The following PIAS4 variants were observed in gnomAD, a reference collection of about 807,000 sequenced individuals.
The protein encoded by PIAS4 is E3 SUMO-protein ligase PIAS4.
In PIAS4, 7 loss-of-function variants were observed where a neutral mutation model predicts 58.0. The observed-to-expected ratio is 0.12, with a 90% CI of 0.07 to 0.23. PIAS4 has a LOEUF of 0.23. PIAS4 is among the 10% of genes least tolerant of loss of function. The pLI is 1.00. For missense variants in PIAS4, 550 were observed against 709.5 expected (o/e 0.78, Z 2.55); for synonymous variants, 364 against 312.4 (o/e 1.17, Z -1.74).
At chr19:4,012,886 G>C in intron 1 of PIAS4, 37 bp from the exon 2 acceptor site, 1 of 1,575,584 alleles carries the variant, frequency 6.3e-7, no homozygotes, top group Non-Finnish European at 8.6e-7. Context: ...CCTCGCAGCT[G>C]TGTCCTCTGA....
At chr19:4,027,924 G>A (rs1378455280) in intron 3 of PIAS4, among the ~76,000 whole-genome samples, 1 of 152,068 alleles carries the variant, frequency 6.6e-6, no homozygotes, top group African/African-American at 2.4e-5. Context: ...TCAGGGTTTT[G>A]CTGTGGATTC....
intron 2 of PIAS4, among the ~76,000 whole-genome samples, chr19:4,016,278 G>T (rs2144911884): frequency 6.6e-6 from 1 of 152,368 alleles, no homozygotes; most frequent in South Asian, 2.1e-4. Context: ...CGGGCACAGA[G>T]CTGCTCCTCC....
At chr19:4,029,766 C>T (rs1349313976) in intron 7 of PIAS4, among the ~76,000 whole-genome samples, 1 of 151,432 alleles carries the variant, frequency 6.6e-6, no homozygotes, top group East Asian at 1.9e-4. Context: ...GCCTCAGCCT[C>T]CTGAGTAGCT....
chr19:4,030,315 GCA>G (rs1234839956), intron 7 of PIAS4, among the ~76,000 whole-genome samples: 2,502 of 150,294 alleles, frequency 0.017, 4 homozygotes, highest in Middle Eastern at 0.031. Flanking sequence ...GACACGCAGA[GCA>G]ATTTTAAAAG....
chr19:4,007,782 G>A lies in PIAS4; in HGVS notation c.22G>A (p.Ala8Thr), dbSNP rs1329960249. 8.2e-7 allele frequency: 1 copy of A among 1,215,510 alleles called. No individual in the cohort carries two copies. The allele number at this position is 1,215,510 out of a possible 1,614,324, so 75.3% of individuals were successfully genotyped here. ...CAAGATGGCGGCGGAGCTGGTGGAGGCCAAAGTGAGTGAGCGGTGGCGGCG... is the reference window on the plus strand; with the variant it reads ...CAAGATGGCGGCGGAGCTGGTGGAGACCAAAGTGAGTGAGCGGTGGCGGCG... MAAELVE[A>T]KNMVMSFRVS... Residue 8 changes from alanine (A) to threonine (T), a missense_variant, in exon 1 of 11, where the codon GCC (alanine) becomes ACC (threonine). This residue lies in a region of PIAS4 where 42 missense variants were observed against 84.3 expected (regional missense o/e 0.50). Transcript: ENST00000262971.
intron 9 of PIAS4, among the ~76,000 whole-genome samples, chr19:4,036,037 G>A (rs147316646): frequency 2.2e-4 from 9 of 40,670 alleles, no homozygotes; most frequent in South Asian, 1.4e-3. Flanking sequence ...AGTCCACACC[G>A]TCATACACAC....
intron 1 of PIAS4, among the ~76,000 whole-genome samples, chr19:4,008,433 A>T (rs2039963561): frequency 6.6e-6 from 1 of 151,684 alleles, no homozygotes; most frequent in Non-Finnish European, 1.5e-5. Context: ...GCCCCTCTTC[A>T]GCTCCTGCAT....
At position 4,038,207 on chromosome 19, in the gene PIAS4, C is replaced by T; in HGVS notation, c.*332C>T. 1 of 282,104 alleles carries T rather than the reference C, an allele frequency of 3.5e-6. No individual in the cohort carries two copies. The highest frequency in any genetic ancestry group is 6.6e-6 in the Non-Finnish European group (1 of 150,714). The allele number at this position is 282,104 out of a possible 1,614,324, so 17.5% of individuals were successfully genotyped here. A position where few individuals can be genotyped will look rare whatever the true frequency, so the allele number is the denominator to read the frequency against. Reference sequence around the variant, plus strand: ...TGGGCGGGAGGGACCAGGACGCCGCCCCGCGCCCTCCCCTCCGGATGCCCC... The same window carrying T: ...TGGGCGGGAGGGACCAGGACGCCGCTCCGCGCCCTCCCCTCCGGATGCCCC... On this transcript the variant is annotated 3_prime_UTR_variant, in exon 11 of 11. Coordinates refer to ENST00000262971, the MANE Select transcript of PIAS4 (RefSeq NM_015897.4). The surrounding 1 kb of genome is among the most constrained non-coding windows in gnomAD (Gnocchi z 4.1).
chr19:4,011,634 G>T (rs899097711), intron 1 of PIAS4, among the ~76,000 whole-genome samples: 8 of 151,904 alleles, frequency 5.3e-5, no homozygotes, highest in Non-Finnish European at 1.0e-4. Flanking sequence ...ACGTGTGGAG[G>T]TGTGTTTGGT....
In PIAS4 at chr19:4,028,585, C is replaced by T; in HGVS notation, c.657C>T (p.Ser219=). Residue 219 remains serine (S), a synonymous_variant, in exon 5 of 11, where the codon AGC becomes AGT. Transcript: ENST00000262971. ...ACATCGCTGTGAAGGTCAACCACAG[C>T]TACTGCTCCGTCCCGGTGAGCATGC... ...PPNIAVKVNH[S]YCSVPGYYPS... 2 of 1,612,930 alleles carry T rather than the reference C, an allele frequency of 1.2e-6. No individual in the cohort carries two copies. Among genetic ancestry groups the T allele is most frequent in the Non-Finnish European group, 1.7e-6 (2 of 1,179,876 alleles).
intron 2 of PIAS4, among the ~76,000 whole-genome samples, chr19:4,020,611 T>G (rs114755295): frequency 3.9e-5 from 6 of 152,138 alleles, no homozygotes; most frequent in Non-Finnish European, 8.8e-5. Context: ...CTGCTCAGCG[T>G]TTTTGCTTTG....
rs758198912 is a variant in PIAS4 at position 4,037,221 on chromosome 19, C to T, written c.1143-153C>T. Among the ~76,000 whole-genome samples the T allele has an allele frequency of 1.5e-4, 22 of 143,878 alleles. No individual in the cohort carries two copies. Among genetic ancestry groups the T allele is most frequent in the South Asian group, 2.3e-4 (1 of 4,358 alleles). The allele number at this position is 143,878 out of a possible 152,430, so 94.4% of individuals were successfully genotyped here. ...GGGCCTGAGGGCGGGGGAGGGAATG[C>T]GGGGTCCCTGGACCCCTGCGGTCGG... is the stretch of plus-strand genomic sequence containing the variant. On this transcript the variant is annotated intron_variant, in intron 9 of 10. Transcript: ENST00000262971. The surrounding 1 kb of genome is among the most constrained non-coding windows in gnomAD (Gnocchi z 5.8).
At chr19:4,009,301 C>T (rs949598835) in intron 1 of PIAS4, among the ~76,000 whole-genome samples, 43 of 152,314 alleles carry the variant, frequency 2.8e-4, no homozygotes, top group East Asian at 1.9e-4. Flanking sequence ...CACCCCTGCG[C>T]ACACTTCTGC....
At chr19:4,020,372 C>T (rs12982708) in intron 2 of PIAS4, among the ~76,000 whole-genome samples, 23,369 of 152,046 alleles carry the variant, frequency 0.15, 2,205 homozygotes, top group Middle Eastern at 0.27. Context: ...ACATAGCCTG[C>T]GAAGCTGATG....
chr19:4,037,891 C>G lies in PIAS4; in HGVS notation c.*16C>G. 1 of 1,566,404 alleles carries G rather than the reference C, an allele frequency of 6.4e-7. No individual in the cohort carries two copies. Among genetic ancestry groups the G allele is most frequent in the South Asian group, 1.2e-5 (1 of 86,378 alleles). On this transcript the variant is annotated 3_prime_UTR_variant, in exon 11 of 11. Transcript: ENST00000262971. The surrounding 1 kb of genome is among the most constrained non-coding windows in gnomAD (Gnocchi z 5.8). ...GGCCTGCTGACCCCGGCCGCACACT[C>G]GACTTTCCTGGTGCTCACCACGCAG...
At chr19:4,015,830 G>T (rs758129543) in intron 2 of PIAS4, among the ~76,000 whole-genome samples, 1 of 152,220 alleles carries the variant, frequency 6.6e-6, no homozygotes, top group Non-Finnish European at 1.5e-5. Flanking sequence ...GCCGCCGGCC[G>T]GCTCCAGGAT....
intron 7 of PIAS4, among the ~76,000 whole-genome samples, chr19:4,032,139 G>A (rs570108321): frequency 6.6e-6 from 1 of 152,266 alleles, no homozygotes; most frequent in African/African-American, 2.4e-5. Flanking sequence ...AGAGATAAGT[G>A]GTGTTTCAGG....
intron 7 of PIAS4, among the ~76,000 whole-genome samples, chr19:4,031,883 C>T (rs1262885510): frequency 6.6e-6 from 1 of 152,190 alleles, no homozygotes; most frequent in Admixed American, 6.5e-5. Context: ...GCATCCCCTC[C>T]TAGCTGCCCC....
chr19:4,027,295 C>T (rs1250970168), intron 3 of PIAS4, among the ~76,000 whole-genome samples: 1 of 152,176 alleles, frequency 6.6e-6, no homozygotes, highest in Non-Finnish European at 1.5e-5. Flanking sequence ...TGTGTCCTTT[C>T]GTGTCTGGCG....
Sources: gnomAD v4.1 joint callset for allele counts (sites outside exome capture counted in the v4.1 genomes callset) on GRCh38, gnomAD v4.1.1 for gene constraint, gnomAD v4.1.1 regional missense constraint, Gnocchi (gnomAD v3.1) non-coding constraint, MANE v1.5 for transcripts, NCBI Gene and HGNC (gene_info 2026-07-23, HGNC 2026-07-21) for gene names.